MRTFA: variants seen among roughly 807,000 people sequenced by gnomAD.
MRTFA encodes myocardin-related transcription factor A.
A neutral mutation model predicts 83.5 loss-of-function variants in MRTFA; 20 were observed. That is an observed-to-expected ratio of 0.24 (90% CI 0.17 to 0.35). MRTFA has a LOEUF of 0.35. MRTFA is among the 10% of genes least tolerant of loss of function. The pLI is 1.00. For missense variants in MRTFA, 1,200 were observed against 1,224.7 expected (o/e 0.98, Z 0.30); for synonymous variants, 659 against 541.2 (o/e 1.22, Z -3.02).
intron 3 of MRTFA, 199 bp from the exon 4 acceptor site, chr22:40,463,485 A>G: frequency 3.7e-6 from 2 of 543,806 alleles, no homozygotes; most frequent in Non-Finnish European, 6.6e-6. Flanking sequence ...GGGCGGTGAG[A>G]GGAAGTTGCG....
At chr22:40,431,611 G>T (rs2053070379) in intron 5 of MRTFA, 131 bp from the exon 6 acceptor site, 3 of 841,224 alleles carry the variant, frequency 3.6e-6, no homozygotes, top group African/African-American at 3.3e-5. Flanking sequence ...TTAACTTGGT[G>T]ACTGCAGGGT....
At chr22:40,490,485 G>T (rs891810449) in intron 3 of MRTFA, among the ~76,000 whole-genome samples, 5 of 152,048 alleles carry the variant, frequency 3.3e-5, no homozygotes, top group Admixed American at 2.6e-4. Context: ...TGTAGTCCCA[G>T]CTACTCGGGA....
intron 3 of MRTFA, among the ~76,000 whole-genome samples, chr22:40,480,324 G>A (rs2054067398): frequency 6.6e-6 from 1 of 151,640 alleles, no homozygotes; most frequent in African/African-American, 2.4e-5. Flanking sequence ...TTGTTGCCCA[G>A]GCTGGCCTTG....
chr22:40,577,608 G>C (rs116973859), intron 2 of MRTFA, among the ~76,000 whole-genome samples: 17 of 143,004 alleles, frequency 1.2e-4, no homozygotes, highest in Admixed American at 3.5e-4. Context: ...ATCTACATCT[G>C]ATTTTTTTTT....
rs566449061 is a variant in MRTFA at position 40,452,110 on chromosome 22, A to C, written c.307+11111T>G. Among the ~76,000 whole-genome samples the C allele has an allele frequency of 2.0e-5, 3 of 150,648 alleles. No homozygotes were observed. In the South Asian group the frequency reaches 6.3e-4, roughly 32 times the overall value. On this transcript the variant is annotated intron_variant, in intron 4 of 14. Coordinates refer to ENST00000355630, the MANE Select transcript of MRTFA (RefSeq NM_020831.6). ...GTGATTCTCCTGCCTCAGCCTCCCGAGTAGCTGGGACGACAGGCGCGTGCC... is the reference window on the plus strand; with the variant it reads ...GTGATTCTCCTGCCTCAGCCTCCCGCGTAGCTGGGACGACAGGCGCGTGCC...
rs761948522 is a variant in MRTFA at position 40,417,489 on chromosome 22, G to A, written c.2369C>T (p.Ser790Leu). Reference sequence around the variant, plus strand: ...AGGCGCTGGAGAGCCAGGCTGGGACGAGGGCTGGACAGGAGAGCAGGGAGA... The same window carrying A: ...AGGCGCTGGAGAGCCAGGCTGGGACAAGGGCTGGACAGGAGAGCAGGGAGA... The change falls in exon 13 of 15, where the codon TCG becomes TTG. Residue 790 changes from serine to leucine, a missense_variant. Coordinates refer to ENST00000355630, the MANE Select transcript of MRTFA (RefSeq NM_020831.6). 1.0e-5 allele frequency: 16 copies of A among 1,545,224 alleles called. No individual in the cohort carries two copies. Among genetic ancestry groups the A allele is most frequent in the East Asian group, 2.4e-5 (1 of 41,340 alleles).
At chr22:40,616,835 C>T (rs1051800847) in intron 1 of MRTFA, among the ~76,000 whole-genome samples, 20 of 152,062 alleles carry the variant, frequency 1.3e-4, no homozygotes, top group African/African-American at 4.6e-4. Flanking sequence ...CAGTGGCTCA[C>T]GTCTGTAATC....
At chr22:40,616,012 G>A (rs968111794) in intron 1 of MRTFA, among the ~76,000 whole-genome samples, 17 of 152,100 alleles carry the variant, frequency 1.1e-4, no homozygotes, top group African/African-American at 4.1e-4. Flanking sequence ...ATTTCATTAA[G>A]TTTATTATTT....
intron 4 of MRTFA, among the ~76,000 whole-genome samples, chr22:40,443,488 T>C (rs988850730): frequency 6.6e-6 from 1 of 151,966 alleles, no homozygotes; most frequent in African/African-American, 2.4e-5. Flanking sequence ...CCTTTTTTTT[T>C]CTGCTTCATA....
intron 4 of MRTFA, among the ~76,000 whole-genome samples, chr22:40,436,980 A>G (rs1296515291): frequency 6.6e-6 from 1 of 152,174 alleles, no homozygotes; most frequent in Non-Finnish European, 1.5e-5. Flanking sequence ...GCAGTCCCAG[A>G]AGAAAGCTTC....
intron 12 of MRTFA, among the ~76,000 whole-genome samples, chr22:40,417,954 G>A (rs1489742313): frequency 6.6e-6 from 1 of 152,186 alleles, no homozygotes; most frequent in Non-Finnish European, 1.5e-5. Context: ...ACACCTTGGT[G>A]GGGACAGCTA....
intron 1 of MRTFA, among the ~76,000 whole-genome samples, chr22:40,622,985 G>A (rs1418658305): frequency 6.6e-6 from 1 of 152,164 alleles, no homozygotes; most frequent in Non-Finnish European, 1.5e-5. Context: ...GTGAGAAAGA[G>A]AAGATGACTC....
At chr22:40,547,748 G>A (rs1051490249) in intron 3 of MRTFA, among the ~76,000 whole-genome samples, 7 of 151,604 alleles carry the variant, frequency 4.6e-5, no homozygotes, top group African/African-American at 1.7e-4. Context: ...CCAGCTACTC[G>A]GTAGCTCAGG....
intron 3 of MRTFA, among the ~76,000 whole-genome samples, chr22:40,524,855 T>G (rs2054937739): frequency 6.6e-6 from 1 of 152,248 alleles, no homozygotes; most frequent in South Asian, 2.1e-4. Flanking sequence ...TCACCCATGC[T>G]GGAGTGCAAT....
chr22:40,585,992 T>C (rs544009178), intron 2 of MRTFA, among the ~76,000 whole-genome samples: 1 of 152,218 alleles, frequency 6.6e-6, no homozygotes, highest in African/African-American at 2.4e-5. Context: ...AGGGTAAGTA[T>C]TATTTCATGA....
intron 1 of MRTFA, among the ~76,000 whole-genome samples, chr22:40,622,707 G>A (rs943549759): frequency 4.6e-5 from 7 of 152,158 alleles, no homozygotes; most frequent in African/African-American, 1.7e-4. Context: ...TAAAGCCTCT[G>A]GAAGGAATAC....
intron 3 of MRTFA, among the ~76,000 whole-genome samples, chr22:40,513,933 G>A (rs1423076582): frequency 6.6e-5 from 10 of 151,324 alleles, no homozygotes; most frequent in Non-Finnish European, 5.9e-5. Flanking sequence ...CCTGTCTCTA[G>A]TTAAAGTAAT....
At chr22:40,603,413 T>C (rs2056282357) in intron 1 of MRTFA, among the ~76,000 whole-genome samples, 1 of 152,244 alleles carries the variant, frequency 6.6e-6, no homozygotes, top group African/African-American at 2.4e-5. Context: ...TTTTTCTTAT[T>C]GGTAACCTCT....
chr22:40,556,328 T>C (rs1304141916), intron 2 of MRTFA, among the ~76,000 whole-genome samples: 1 of 152,206 alleles, frequency 6.6e-6, no homozygotes, highest in Non-Finnish European at 1.5e-5. Context: ...AAGACAATTA[T>C]GATCTAACTT....
Sources: allele counts gnomAD v4.1 joint callset (sites outside exome capture counted in the v4.1 genomes callset), GRCh38; gene constraint gnomAD v4.1.1; transcripts MANE v1.5; gene names NCBI Gene and HGNC (gene_info 2026-07-23, HGNC 2026-07-21).